The following NEK7 variants were observed in gnomAD, a reference collection of about 807,000 sequenced individuals.
NEK7 encodes serine/threonine-protein kinase Nek7.
Under a neutral mutation model 44.6 loss-of-function variants are expected in NEK7, and 18 were observed. The observed-to-expected ratio is 0.40, with a 90% CI of 0.28 to 0.60. The LOEUF (loss-of-function observed/expected upper bound fraction) is 0.60. Ranked by LOEUF, NEK7 falls within the 20% of genes least tolerant of loss-of-function variation. The probability of loss-of-function intolerance (pLI) is 0.38; values close to 1 mark genes in which losing one functional copy is unlikely to be tolerated. For synonymous variants in NEK7, 130 were observed against 121.1 expected, an observed-to-expected ratio of 1.07 and a Z score of -0.48; for missense variants, 256 against 366.5, an observed-to-expected ratio of 0.70 and a Z score of 2.46.
At chr1:198,170,935 T>A (rs1005895592) in intron 1 of NEK7, among the ~76,000 whole-genome samples, 6 of 150,406 alleles carry the variant, frequency 4.0e-5, no homozygotes, top group Non-Finnish European at 5.9e-5. Context: ...TAAAAAAAAA[T>A]GTTTTTTATT....
At chr1:198,287,178 T>A (rs1178718745) in intron 7 of NEK7, among the ~76,000 whole-genome samples, 1 of 152,124 alleles carries the variant, frequency 6.6e-6, no homozygotes, top group East Asian at 1.9e-4. Flanking sequence ...GGTGAAATTG[T>A]TTAAAAGCTA....
At chr1:198,179,038 T>G (rs996641680) in intron 1 of NEK7, among the ~76,000 whole-genome samples, 1 of 149,362 alleles carries the variant, frequency 6.7e-6, no homozygotes, top group Non-Finnish European at 1.5e-5. Flanking sequence ...AAATTGAGAC[T>G]GTCATTTGAT....
At chr1:198,243,535 TAGG>T (rs1261378026) in intron 2 of NEK7, among the ~76,000 whole-genome samples, 1 of 152,210 alleles carries the variant, frequency 6.6e-6, no homozygotes, top group African/African-American at 2.4e-5. Flanking sequence ...CATGATAACA[TAGG>T]AGAGATAATC....
chr1:198,204,448 G>A (rs994547140), intron 1 of NEK7, among the ~76,000 whole-genome samples: 7 of 151,890 alleles, frequency 4.6e-5, no homozygotes, highest in Admixed American at 3.3e-4. Flanking sequence ...GGCCCGGCGC[G>A]GTGGCTCACG....
intron 1 of NEK7, among the ~76,000 whole-genome samples, chr1:198,205,997 ATATAT>A (rs1373548321): frequency 2.0e-5 from 3 of 152,168 alleles, no homozygotes; most frequent in Non-Finnish European, 2.9e-5. Flanking sequence ...AGTAAGGATG[ATATAT>A]TATTTATTGT....
chr1:198,276,205 G>A (rs12402025), intron 5 of NEK7, among the ~76,000 whole-genome samples: 22,403 of 151,500 alleles, frequency 0.15, 2,156 homozygotes, highest in South Asian at 0.26. Context: ...TTTTCTTTTA[G>A]ATTTGATTTC....
chr1:198,247,485 G>A (rs1405519859), intron 2 of NEK7, among the ~76,000 whole-genome samples: 1 of 152,154 alleles, frequency 6.6e-6, no homozygotes, highest in Non-Finnish European at 1.5e-5. Flanking sequence ...TTAAAGTCCT[G>A]ATATACAGTG....
At chr1:198,303,796 C>G (rs1372779850) in intron 9 of NEK7, among the ~76,000 whole-genome samples, 1 of 152,028 alleles carries the variant, frequency 6.6e-6, no homozygotes, top group Non-Finnish European at 1.5e-5. Context: ...AATATTTCTG[C>G]AGTCTCTGCA....
intron 1 of NEK7, among the ~76,000 whole-genome samples, chr1:198,209,052 TATATATACAC>T (rs1162770052): frequency 2.9e-5 from 4 of 138,618 alleles, no homozygotes; most frequent in Admixed American, 7.5e-5. Flanking sequence ...TATATATATA[TATATATACAC>T]ACACACATAC....
At chr1:198,190,805 T>C (rs576441467) in intron 1 of NEK7, among the ~76,000 whole-genome samples, 14 of 152,182 alleles carry the variant, frequency 9.2e-5, no homozygotes, top group Non-Finnish European at 2.1e-4. Context: ...TTTTTTGTTT[T>C]ATTTCCAACA....
chr1:198,299,241 T>G (rs1457730161), intron 9 of NEK7, among the ~76,000 whole-genome samples: 1 of 152,224 alleles, frequency 6.6e-6, no homozygotes, highest in Admixed American at 6.5e-5. Context: ...ATATGCGGAC[T>G]GTATAACAAT....
At chr1:198,217,810 C>T (rs1292958624) in intron 1 of NEK7, among the ~76,000 whole-genome samples, 1 of 139,490 alleles carries the variant, frequency 7.2e-6, no homozygotes, top group Non-Finnish European at 1.5e-5. Flanking sequence ...ATAATCAAAT[C>T]AAGAACACAA....
intron 1 of NEK7, among the ~76,000 whole-genome samples, chr1:198,214,958 C>T (rs576297508): frequency 2.0e-5 from 3 of 152,150 alleles, no homozygotes; most frequent in East Asian, 3.9e-4. Context: ...CAATGGAAAC[C>T]GTATTAGATG....
intron 2 of NEK7, among the ~76,000 whole-genome samples, chr1:198,234,602 G>A (rs1018045460): frequency 5.3e-5 from 8 of 152,164 alleles, no homozygotes; most frequent in African/African-American, 1.7e-4. Flanking sequence ...AGGAAAGGTC[G>A]GAGTGGCAGT....
chr1:198,193,185 T>G lies in NEK7; in HGVS notation c.-29+35909T>G, dbSNP rs183849306. On this transcript the variant is annotated intron_variant, in intron 1 of 9. Coordinates refer to ENST00000367385, the MANE Select transcript of NEK7 (RefSeq NM_133494.3). Reference sequence around the variant, plus strand: ...TCAGAGAATACTGTAAACACCTCTATGCACATAAACTAGAAAATCTAGAAG... The same window carrying G: ...TCAGAGAATACTGTAAACACCTCTAGGCACATAAACTAGAAAATCTAGAAG... Among the ~76,000 whole-genome samples, 305 of 152,120 alleles carry G rather than the reference T, an allele frequency of 2.0e-3. 2 individuals are homozygous for G. Among genetic ancestry groups the G allele is most frequent in the African/African-American group, 7.0e-3 (291 of 41,522 alleles).
intron 9 of NEK7, among the ~76,000 whole-genome samples, chr1:198,308,237 G>A (rs1655071768): frequency 6.6e-6 from 1 of 152,050 alleles, no homozygotes; most frequent in Non-Finnish European, 1.5e-5. Context: ...GTTTAATATA[G>A]GTTACAACTT....
chr1:198,158,845 C>G (rs941448513), intron 1 of NEK7, among the ~76,000 whole-genome samples: 4 of 152,168 alleles, frequency 2.6e-5, no homozygotes, highest in African/African-American at 9.7e-5. Context: ...AGAACAGCGG[C>G]ATCCTCTATT....
intron 1 of NEK7, chr1:198,197,845 T>G: frequency 1.2e-6 from 1 of 869,552 alleles, no homozygotes; most frequent in Non-Finnish European, 1.9e-6. Flanking sequence ...TGTGCATCTT[T>G]TTGTGAGCTT....
chr1:198,177,251 A>G (rs1386403264), intron 1 of NEK7, among the ~76,000 whole-genome samples: 1 of 152,188 alleles, frequency 6.6e-6, no homozygotes, highest in African/African-American at 2.4e-5. Context: ...TTCTGAACCA[A>G]TAATTGATGA....
Sources: gnomAD v4.1 joint callset for allele counts (sites outside exome capture counted in the v4.1 genomes callset) on GRCh38, gnomAD v4.1.1 for gene constraint, MANE v1.5 for transcripts, NCBI Gene and HGNC (gene_info 2026-07-23, HGNC 2026-07-21) for gene names.